The following LRGUK variants were observed in gnomAD, a reference collection of about 807,000 sequenced individuals.
LRGUK encodes the protein leucine rich repeats and guanylate kinase domain containing.
A neutral mutation model predicts 76.0 loss-of-function variants in LRGUK; 65 were observed. That is an observed-to-expected ratio of 0.85 (90% CI 0.70 to 1.05). LRGUK has a LOEUF of 1.05. Ranked by LOEUF, LRGUK falls within the 50% of genes least tolerant of loss-of-function variation. LRGUK has a pLI of 0.00. For missense variants in LRGUK, 758 were observed against 732.8 expected (o/e 1.03, Z -0.40); for synonymous variants, 268 against 265.6 (o/e 1.01, Z -0.09).
At chr7:134,150,047 G>A (rs769801448) in intron 5 of LRGUK, among the ~76,000 whole-genome samples, 9 of 152,190 alleles carry the variant, frequency 5.9e-5, no homozygotes, top group East Asian at 5.8e-4. Context: ...AGGCCAAGGC[G>A]GGCAGATCAC....
At chr7:134,168,725 C>T (rs749596858) in intron 7 of LRGUK, among the ~76,000 whole-genome samples, 6 of 152,216 alleles carry the variant, frequency 3.9e-5, no homozygotes, top group South Asian at 2.1e-4. Flanking sequence ...GGATGACTCC[C>T]GGGTTTGCAG....
At chr7:134,180,828 C>T (rs1398671727) in intron 10 of LRGUK, among the ~76,000 whole-genome samples, 1 of 152,142 alleles carries the variant, frequency 6.6e-6, no homozygotes, top group Non-Finnish European at 1.5e-5. Context: ...ACCATCACCA[C>T]CATCTATTTC....
At chr7:134,160,445 A>G (rs1798678099) in intron 6 of LRGUK, among the ~76,000 whole-genome samples, 2 of 152,160 alleles carry the variant, frequency 1.3e-5, no homozygotes, top group African/African-American at 4.8e-5. Flanking sequence ...TTCTTTTCCA[A>G]AGTTTAATAA....
chr7:134,218,639 C>A lies in LRGUK; in HGVS notation c.1844-3140C>A, dbSNP rs796507207. On this transcript the variant is annotated intron_variant, in intron 15 of 19. Transcript: ENST00000285928. ...ATCAACATCTTCTATTTTTAACTTTCCTTTTTGCAGTAAATGGCCCTATTT... is the reference window on the plus strand; with the variant it reads ...ATCAACATCTTCTATTTTTAACTTTACTTTTTGCAGTAAATGGCCCTATTT... Among the ~76,000 whole-genome samples, 47 of 152,252 alleles carry A rather than the reference C, an allele frequency of 3.1e-4. 1 individual carries two copies. The highest frequency in any genetic ancestry group is 1.1e-3 in the African/African-American group (46 of 41,568).
chr7:134,177,113 T>A lies in LRGUK; in HGVS notation c.1107+50T>A, dbSNP rs931016154. 6 of 1,159,698 alleles carry A rather than the reference T, an allele frequency of 5.2e-6. No homozygotes were observed. The African/African-American group carries it at 7.8e-5, about 15-fold the overall frequency. 71.8% of individuals were successfully genotyped at this position (1,159,698 alleles called of 1,614,324 possible). A position where few individuals can be genotyped will look rare whatever the true frequency, so the allele number is the denominator to read the frequency against. On this transcript the variant is annotated intron_variant, in intron 9 of 15. Coordinates refer to ENST00000645682, the Ensembl canonical transcript of LRGUK. ...CCATTGTGTTATTGGGTTAATATGC[T>A]CAAAAGCTCGTGTTGCCTGCTGTGG...
At chr7:134,167,636 G>T (rs774686835) in intron 7 of LRGUK, among the ~76,000 whole-genome samples, 1 of 152,162 alleles carries the variant, frequency 6.6e-6, no homozygotes, top group Non-Finnish European at 1.5e-5. Flanking sequence ...AGCTGGTGGG[G>T]TGCAGTGCTC....
intron 16 of LRGUK, among the ~76,000 whole-genome samples, chr7:134,245,189 AAAAAC>A (rs1802269707): frequency 6.6e-6 from 1 of 152,212 alleles, no homozygotes; most frequent in Admixed American, 6.5e-5. Context: ...GTATAATAAT[AAAAAC>A]AAACAAAAAA....
intron 13 of LRGUK, 62 bp downstream of exon 13, chr7:134,197,167 ATGTGTGTG>A: frequency 2.7e-6 from 2 of 731,914 alleles, no homozygotes; most frequent in Non-Finnish European, 4.8e-6. Flanking sequence ...GTGTGTGTGT[ATGTGTGTG>A]TGTGTGTGTA....
At chr7:134,258,540 A>C (rs1802642718) in intron 19 of LRGUK, 135 bp downstream of exon 19, 6 of 773,096 alleles carry the variant, frequency 7.8e-6, no homozygotes, top group Admixed American at 3.2e-5. Context: ...TCTACTAAAA[A>C]TACAAAAAAT....
intron 10 of LRGUK, among the ~76,000 whole-genome samples, chr7:134,181,968 C>T (rs1799771566): frequency 1.3e-5 from 2 of 152,160 alleles, no homozygotes; most frequent in Admixed American, 1.3e-4. Flanking sequence ...ACAAGGATCC[C>T]TTGTAATACT....
chr7:134,222,027 C>A, intron 16 of LRGUK, 109 bp downstream of exon 16: 1 of 1,060,644 alleles, frequency 9.4e-7, no homozygotes, highest in Non-Finnish European at 1.3e-6. Context: ...ATTATTCTCT[C>A]ACTAGTGTCA....
chr7:134,236,692 C>A (rs894760627), intron 16 of LRGUK, among the ~76,000 whole-genome samples: 1 of 152,196 alleles, frequency 6.6e-6, no homozygotes, highest in Admixed American at 6.5e-5. Flanking sequence ...GTTTCCTACA[C>A]CCATAGGCGC....
chr7:134,191,326 G>C (rs957309585), intron 11 of LRGUK, among the ~76,000 whole-genome samples: 6 of 152,156 alleles, frequency 3.9e-5, no homozygotes, highest in Non-Finnish European at 7.3e-5. Flanking sequence ...AAACACGAAA[G>C]CAGGTGGGTG....
chr7:134,251,851 G>T (rs1802454706), intron 18 of LRGUK, among the ~76,000 whole-genome samples: 1 of 152,170 alleles, frequency 6.6e-6, no homozygotes, highest in Admixed American at 6.5e-5. Context: ...CCATGCATAG[G>T]TTAATAATGA....
rs1158323770 is a variant in LRGUK at position 134,157,998 on chromosome 7, T to A, written c.671-37T>A. ...ATTCTTTTTTTCTTCCAAATGCTTT[T>A]AATAACATTTTCCTTAAACGTAGTC... On this transcript the variant is annotated intron_variant, in intron 5 of 15. Transcript: ENST00000645682. 1.9e-6 allele frequency: 3 copies of A among 1,579,958 alleles called. No individual in the cohort carries two copies. The Admixed American group carries it at 5.1e-5, about 27-fold the overall frequency.
intron 14 of LRGUK, among the ~76,000 whole-genome samples, chr7:134,199,985 TA>T (rs1800687843): frequency 1.4e-4 from 2 of 14,204 alleles, no homozygotes; most frequent in East Asian, 2.7e-3. Context: ...GAAACTTTTA[TA>T]TATATATATA....
chr7:134,130,291 C>T (rs77963204), intron 1 of LRGUK, among the ~76,000 whole-genome samples: 1,895 of 152,000 alleles, frequency 0.012, 41 homozygotes, highest in African/African-American at 0.043. Context: ...CCAGCTTCCC[C>T]CCCCCCCCAG....
intron 7 of LRGUK, among the ~76,000 whole-genome samples, chr7:134,174,008 C>T (rs1799373899): frequency 1.3e-5 from 2 of 151,262 alleles, no homozygotes; most frequent in Admixed American, 6.6e-5. Flanking sequence ...ACTCAGGAGG[C>T]TGAGGCAGGA....
chr7:134,212,552 T>A (rs887140701), downstream of LRGUK, among the ~76,000 whole-genome samples: 3 of 152,242 alleles, frequency 2.0e-5, no homozygotes, highest in African/African-American at 7.2e-5. Context: ...GAAATCCTCT[T>A]GCAAAATGAA....
Sources: allele counts gnomAD v4.1 joint callset (sites outside exome capture counted in the v4.1 genomes callset), GRCh38; gene constraint gnomAD v4.1.1; transcripts MANE v1.5; gene names NCBI Gene and HGNC (gene_info 2026-07-23, HGNC 2026-07-21).